OGFRL1: variants seen among roughly 807,000 people sequenced by gnomAD.
OGFRL1 encodes the protein opioid growth factor receptor-like protein 1.
OGFRL1 carries 26 observed loss-of-function variants against 32.4 expected under a neutral mutation model. That is an observed-to-expected ratio of 0.80 (90% confidence interval 0.59 to 1.11). The LOEUF (loss-of-function observed/expected upper bound fraction) is 1.11. Ranked by LOEUF, OGFRL1 falls within the 50% of genes most tolerant of loss-of-function variation. The pLI, the probability that OGFRL1 is intolerant of heterozygous loss-of-function variation, is 0.00. For missense variants in OGFRL1, 521 were observed against 546.4 expected, an observed-to-expected ratio of 0.95 and a Z score of 0.46; for synonymous variants, 211 against 201.2, an observed-to-expected ratio of 1.05 and a Z score of -0.41.
intron 6 of OGFRL1, among the ~76,000 whole-genome samples, chr6:71,297,517 TTTAA>T (rs1766248583): frequency 6.6e-6 from 1 of 152,060 alleles, no homozygotes; most frequent in Non-Finnish European, 1.5e-5. Context: ...CTATTTTCTT[TTTAA>T]TTATAGTTAA....
intron 1 of OGFRL1, 166 bp downstream of exon 1, chr6:71,289,336 C>G: frequency 2.1e-6 from 2 of 972,260 alleles, no homozygotes; most frequent in Middle Eastern, 5.3e-4. Context: ...CGGTGGAGCC[C>G]GGGGGCCTGC....
chr6:71,308,698 C>T lies in OGFRL1; in HGVS notation c.*6649C>T, dbSNP rs1317628285. The T allele has an allele frequency of 3.3e-5, 5 of 152,064 alleles. No homozygotes were observed. Among genetic ancestry groups the T allele is most frequent in the African/African-American group, 7.2e-5 (3 of 41,402 alleles). The allele number at this position is 152,064 out of a possible 1,614,324, so 9.4% of individuals were successfully genotyped here. ...AATACTTATTTTATAATTCTGTAAC[C>T]GTATGGCAGTGTTATGCCAAAAATG... On this transcript the variant is annotated 3_prime_UTR_variant, in exon 7 of 7. Transcript: ENST00000370435.
At chr6:71,289,209 GC>G in intron 1 of OGFRL1, 39 bp downstream of exon 1, 1 of 1,053,770 alleles carries the variant, frequency 9.5e-7, no homozygotes, top group Non-Finnish European at 1.1e-6. Context: ...GGGCTGGGGC[GC>G]CCCGACACCC....
chr6:71,297,188 G>A (rs993644568), intron 6 of OGFRL1, among the ~76,000 whole-genome samples: 4 of 151,970 alleles, frequency 2.6e-5, no homozygotes, highest in African/African-American at 2.4e-5. Flanking sequence ...GCTTCTTGGG[G>A]CACAATCTGT....
chr6:71,289,868 T>A, intron 1 of OGFRL1: 5 of 964,294 alleles, frequency 5.2e-6, no homozygotes, highest in Non-Finnish European at 6.2e-6. Context: ...TCAGGAACTT[T>A]AAAAAGGAGG....
Position 71,289,118 on chromosome 6 carries a change from C to T in OGFRL1, c.182C>T (p.Pro61Leu). Reference protein sequence around the residue: ...AQPPEQAGGRPGASPAPDEDA... With the variant: ...AQPPEQAGGRLGASPAPDEDA... ...CCCCCGGAGCAAGCCGGCGGGCGGC[C>T]CGGCGCCAGCCCCGCGCCGGACGAG... Residue 61 changes from proline (P) to leucine (L), a missense_variant, in exon 1 of 7, where the codon CCC (proline) becomes CTC (leucine). Physicochemically the swap from Pro to Leu is moderately conservative, Grantham distance 98. Coordinates refer to ENST00000370435, the MANE Select transcript of OGFRL1 (RefSeq NM_024576.5). The T allele has an allele frequency of 9.0e-7, 1 of 1,109,000 alleles. No individual in the cohort carries two copies. The highest frequency in any genetic ancestry group is 1.1e-6 in the Non-Finnish European group (1 of 911,076). The allele number at this position is 1,109,000 out of a possible 1,614,324, so 68.7% of individuals were successfully genotyped here.
In OGFRL1 at chr6:71,306,408, G is replaced by A. The variant is rs1766552444; in HGVS notation, c.*4359G>A. ...CAGATTGTGTTCAGGGACAGAATGT[G>A]TTTTTAGAAATCCCTTATTATTGAA... On this transcript the variant is annotated 3_prime_UTR_variant, in exon 7 of 7. Coordinates refer to ENST00000370435, the MANE Select transcript of OGFRL1 (RefSeq NM_024576.5). 1 of 152,106 alleles carries A rather than the reference G, an allele frequency of 6.6e-6. No individual in the cohort carries two copies. Among genetic ancestry groups the A allele is most frequent in the Admixed American group, 6.6e-5 (1 of 15,262 alleles). 9.4% of individuals were successfully genotyped at this position (152,106 alleles called of 1,614,324 possible).
At chr6:71,289,232 G>C in intron 1 of OGFRL1, 62 bp downstream of exon 1, 1 of 1,032,622 alleles carries the variant, frequency 9.7e-7, no homozygotes, top group Non-Finnish European at 1.2e-6. Context: ...AGAGGGGCAA[G>C]TGCCAAGCCG....
chr6:71,289,348 G>A, intron 1 of OGFRL1, 178 bp downstream of exon 1: 1 of 984,386 alleles, frequency 1.0e-6, no homozygotes, highest in African/African-American at 1.7e-5. Flanking sequence ...GGGGCCTGCA[G>A]GAGCCCAAAG....
rs1158690810 is a variant in OGFRL1, at chr6:71,289,548, TAAAAAAAAAAAAAA to T, written c.234+397_234+410del. The T allele has an allele frequency of 4.8e-4, 260 of 541,848 alleles. No homozygotes were observed. The African/African-American group carries it at 8.0e-3, about 17-fold the overall frequency. The allele number at this position is 541,848 out of a possible 1,614,324, so 33.6% of individuals were successfully genotyped here. A position where few individuals can be genotyped will look rare whatever the true frequency, so the allele number is the denominator to read the frequency against. On this transcript the variant is annotated intron_variant, in intron 1 of 6. Transcript: ENST00000370435. Reference sequence around the variant, plus strand: ...CAACCCCTCTAGTGTGTGTTATTGGTAAAAAAAAAAAAAAAAAAAAAAAAAAAAAAAATTACTCA... The same window carrying T: ...CAACCCCTCTAGTGTGTGTTATTGGTAAAAAAAAAAAAAAAAAATTACTCA...
Position 71,288,905 on chromosome 6 carries a change from C to G in OGFRL1, c.-32C>G, listed in dbSNP as rs753943040. On this transcript the variant is annotated 5_prime_UTR_variant, in exon 1 of 7. Coordinates refer to ENST00000370435, the MANE Select transcript of OGFRL1 (RefSeq NM_024576.5). ...CCTGCCGCAGCTTGCGCCCCGCAGC[C>G]CCGCAGCCCCGCGCCCGCCGCCGCC... The G allele has an allele frequency of 2.2e-5, 28 of 1,279,332 alleles. No homozygotes were observed. The African/African-American group carries it at 3.3e-4, about 15-fold the overall frequency. 79.2% of individuals were successfully genotyped at this position (1,279,332 alleles called of 1,614,324 possible).
In OGFRL1 at chr6:71,302,949, C is replaced by T. The variant is rs1056849; in HGVS notation, c.*900C>T. ...CTATCAGTCCTGCTGTCCTCACCTC[C>T]TTGCCTCTTTCCATGCTTACCCTTA... On this transcript the variant is annotated 3_prime_UTR_variant, in exon 7 of 7. Coordinates refer to ENST00000370435, the MANE Select transcript of OGFRL1 (RefSeq NM_024576.5). The T allele has an allele frequency of 0.23, 34,721 of 152,140 alleles. 4,175 individuals are homozygous for T. The highest frequency in any genetic ancestry group is 0.34 in the East Asian group (1,758 of 5,164). The allele number at this position is 152,140 out of a possible 1,614,324, so 9.4% of individuals were successfully genotyped here.
chr6:71,296,308 A>T lies in OGFRL1; in HGVS notation c.401-9A>T. On this transcript the variant is annotated splice_polypyrimidine_tract_variant and intron_variant, in intron 3 of 6. Transcript: ENST00000370435. The stretch of plus-strand genomic sequence containing the variant: ...ATGTCTGGTTCATTTTTAAATATTT[A>T]CTATTTAGGTGTTTACATTGAAGAA... The T allele has an allele frequency of 6.5e-7, 1 of 1,541,372 alleles. No homozygotes were observed. Among genetic ancestry groups the T allele is most frequent in the Non-Finnish European group, 8.9e-7 (1 of 1,121,760 alleles).
At position 71,293,553 on chromosome 6, in the gene OGFRL1, T is replaced by C. The variant is rs35741445; in HGVS notation, c.342T>C (p.Tyr114=). 1,916 of 1,613,046 alleles carry C rather than the reference T, an allele frequency of 1.2e-3. 18 individuals are homozygous for C. In the African/African-American group the frequency reaches 0.023, roughly 19 times the overall value. ...HQYPNFKDIR[Y]QNDLSNLRFY... ...AGCAGAACTTCAAAGATATCCGATA[T>C]CAAAATGACTTGAGCAATCTTCGTT... The change falls in exon 3 of 7, where the codon TAT becomes TAC. Residue 114 remains tyrosine (Y), a synonymous_variant. Transcript: ENST00000370435.
At position 71,306,070 on chromosome 6, in the gene OGFRL1, CTG is replaced by C. The variant is rs1032305088; in HGVS notation, c.*4023_*4024del. ...TCTGTTTGGGGTGAGTGGCGATCCTCTGTTGTAGGAATGTTTTTGAAGATTTC... is the reference window on the plus strand; with the variant it reads ...TCTGTTTGGGGTGAGTGGCGATCCTCTTGTAGGAATGTTTTTGAAGATTTC... On this transcript the variant is annotated 3_prime_UTR_variant, in exon 7 of 7. Coordinates refer to ENST00000370435, the MANE Select transcript of OGFRL1 (RefSeq NM_024576.5). 1.3e-5 allele frequency: 2 copies of C among 152,254 alleles called. No individual in the cohort carries two copies. Among genetic ancestry groups the C allele is most frequent in the African/African-American group, 4.8e-5 (2 of 41,432 alleles). The allele number at this position is 152,254 out of a possible 1,614,324, so 9.4% of individuals were successfully genotyped here.
intron 1 of OGFRL1, among the ~76,000 whole-genome samples, chr6:71,290,619 C>T (rs1291196799): frequency 6.6e-6 from 1 of 152,232 alleles, no homozygotes; most frequent in East Asian, 1.9e-4. Context: ...GTATCACCAT[C>T]TGACTTCCCC....
rs1201710253 is a variant in OGFRL1 at position 71,288,907 on chromosome 6, C to G, written c.-30C>G. The G allele has an allele frequency of 7.7e-7, 1 of 1,293,318 alleles. No homozygotes were observed. Among genetic ancestry groups the G allele is most frequent in the Non-Finnish European group, 1.0e-6 (1 of 1,002,850 alleles). The allele number at this position is 1,293,318 out of a possible 1,614,324, so 80.1% of individuals were successfully genotyped here. A position where few individuals can be genotyped will look rare whatever the true frequency, so the allele number is the denominator to read the frequency against. ...TGCCGCAGCTTGCGCCCCGCAGCCC[C>G]GCAGCCCCGCGCCCGCCGCCGCCTC... is the stretch of plus-strand genomic sequence containing the variant. On this transcript the variant is annotated 5_prime_UTR_variant, in exon 1 of 7. Coordinates refer to ENST00000370435, the MANE Select transcript of OGFRL1 (RefSeq NM_024576.5).
chr6:71,293,187 C>T (rs567754319), intron 1 of OGFRL1, 106 bp from the exon 2 acceptor site: 27 of 835,138 alleles, frequency 3.2e-5, no homozygotes, highest in Non-Finnish European at 4.9e-5. Flanking sequence ...GACAGATTGA[C>T]AATTTTCAGG....
In OGFRL1 at chr6:71,296,755, T is replaced by A. The variant is rs370393448; in HGVS notation, c.630T>A (p.Thr210=). The A allele has an allele frequency of 6.6e-5, 107 of 1,613,570 alleles. No homozygotes were observed. The highest frequency in any genetic ancestry group is 8.5e-5 in the Non-Finnish European group (100 of 1,179,740). The part of the protein sequence containing the change: ...MMLEFFGIKL[T]DKTGNVARAV... ...TAGAATTTTTTGGAATAAAACTGAC[T>A]GATAAAACTGGAAATGTTGCTCGGG... Residue 210 remains threonine (T), a synonymous_variant, in exon 6 of 7, where the codon ACT becomes ACA. Transcript: ENST00000370435.
Sources: gnomAD v4.1 joint callset for allele counts (sites outside exome capture counted in the v4.1 genomes callset) on GRCh38, gnomAD v4.1.1 for gene constraint, MANE v1.5 for transcripts, NCBI Gene and HGNC (gene_info 2026-07-23, HGNC 2026-07-21) for gene names.